The following NEFH variants were observed in gnomAD, a reference collection of about 807,000 sequenced individuals.
The protein encoded by NEFH is neurofilament heavy chain, also known as neurofilament heavy polypeptide.
Under a neutral mutation model 56.6 loss-of-function variants are expected in NEFH, and 58 were observed. That is an observed-to-expected ratio of 1.03 (90% CI 0.83 to 1.28). The LOEUF is 1.28. Among genes scored for constraint, NEFH ranks in the 50% most tolerant of loss-of-function variants. NEFH has a pLI of 0.00. For missense variants in NEFH, 1,221 were observed against 1,307.6 expected (o/e 0.93, Z 1.02); for synonymous variants, 542 against 545.8 (o/e 0.99, Z 0.10).
rs1263148652 is a variant in NEFH, at chr22:29,480,794, A to G, written c.532A>G (p.Ile178Val). ...RLEQEHLLED[I>V]AHVRQRLDDE... is the part of the protein sequence containing the mutation. ...GGAGCAGGAGCACCTGCTCGAGGAC[A>G]TCGCGCACGTGCGCCAGCGCCTAGA... Residue 178 changes from isoleucine to valine, a missense_variant, in exon 1 of 4, where the codon ATC becomes GTC. This residue lies in a region of NEFH where 640 missense variants were observed against 555.5 expected (regional missense o/e 1.15). Coordinates refer to ENST00000310624, the MANE Select transcript of NEFH (RefSeq NM_021076.4). 2.1e-6 allele frequency: 3 copies of G among 1,416,408 alleles called. No homozygotes were observed. The highest frequency in any genetic ancestry group is 3.0e-5 in the African/African-American group (2 of 65,722). 87.7% of individuals were successfully genotyped at this position (1,416,408 alleles called of 1,614,324 possible).
At chr22:29,485,607 C>T in intron 2 of NEFH, 116 bp from the exon 3 acceptor site, 1 of 1,337,466 alleles carries the variant, frequency 7.5e-7, no homozygotes, top group East Asian at 2.5e-5. Flanking sequence ...TGGGGTTGGC[C>T]CCAGTGAGCC....
chr22:29,485,806 C>T lies in NEFH; in HGVS notation c.1167C>T (p.Leu389=), dbSNP rs1390662746. 1 of 1,614,154 alleles carries T rather than the reference C, an allele frequency of 6.2e-7. No homozygotes were observed. Among genetic ancestry groups the T allele is most frequent in the South Asian group, 1.1e-5 (1 of 91,070 alleles). ...AGCTGCGAGAATACCAGGACCTGCT[C>T]AATGTCAAGATGGCTCTGGATATAG... is the stretch of plus-strand genomic sequence containing the variant. ...AAQLREYQDL[L]NVKMALDIEI... is the part of the protein sequence containing the mutation. The change falls in exon 3 of 4, where the codon CTC becomes CTT. Residue 389 remains leucine, a synonymous_variant. Transcript: ENST00000310624.
intron 1 of NEFH, 93 bp downstream of exon 1, chr22:29,481,238 C>T (rs917688444): frequency 1.6e-6 from 2 of 1,270,426 alleles, no homozygotes; most frequent in East Asian, 2.6e-5. Context: ...TGCCGGACTG[C>T]GCGTGGAGTG....
At chr22:29,487,686 G>C (rs935081075) in intron 3 of NEFH, among the ~76,000 whole-genome samples, 4 of 152,162 alleles carry the variant, frequency 2.6e-5, no homozygotes, top group African/African-American at 9.7e-5. Flanking sequence ...CCCCTCCCCA[G>C]ACCTGCTGAA....
Position 29,480,826 on chromosome 22 carries a change from G to A in NEFH, c.564G>A (p.Glu188=). ...IAHVRQRLDD[E]ARQREEAEAA... ...ACGTGCGCCAGCGCCTAGACGACGA[G>A]GCCCGGCAGCGAGAGGAGGCCGAGG... The change falls in exon 1 of 4, where the codon GAG becomes GAA. Residue 188 remains glutamate, a synonymous_variant. Transcript: ENST00000310624. The A allele has an allele frequency of 7.2e-6, 10 of 1,394,478 alleles. No individual in the cohort carries two copies. Among genetic ancestry groups the A allele is most frequent in the Non-Finnish European group, 8.3e-6 (9 of 1,086,188 alleles). 86.4% of individuals were successfully genotyped at this position (1,394,478 alleles called of 1,614,324 possible).
At position 29,490,397 on chromosome 22, in the gene NEFH, C is replaced by T. The variant is rs56200920; in HGVS notation, c.2757C>T (p.Asp919=). The part of the protein sequence containing the change: ...EAPAKVEVKE[D]AKPKEKTEVA... ...CTGCCAAGGTGGAGGTGAAGGAAGA[C>T]GCTAAACCCAAAGAAAAGACAGAGG... The change falls in exon 4 of 4, where the codon GAC becomes GAT. Residue 919 remains aspartate, a synonymous_variant. Transcript: ENST00000310624. The T allele has an allele frequency of 5.8e-3, 9,286 of 1,611,776 alleles. 46 individuals carry two copies. Among genetic ancestry groups the T allele is most frequent in the Middle Eastern group, 0.028 (170 of 6,014 alleles).
rs1239000745 is a variant in NEFH, at chr22:29,480,557, G to T, written c.295G>T (p.Glu99Ter). ...VAVATSRSEK[E>*]QLQALNDRFA... ...GGTGGCCACCTCACGCAGTGAGAAG[G>T]AGCAGCTGCAGGCGCTGAACGACCG... Residue 99 changes from glutamate to a stop codon, truncating the protein, a stop_gained, in exon 1 of 4, where the codon GAG becomes TAG. Transcript: ENST00000310624. LOFTEE classifies it high-confidence loss of function. 6.5e-7 allele frequency: 1 copy of T among 1,542,148 alleles called. No individual in the cohort carries two copies. Among genetic ancestry groups the T allele is most frequent in the Non-Finnish European group, 8.7e-7 (1 of 1,150,958 alleles).
At position 29,490,764 on chromosome 22, in the gene NEFH, G is replaced by A; in HGVS notation, c.*61G>A. 6.2e-7 allele frequency: 1 copy of A among 1,607,084 alleles called. No homozygotes were observed. The highest frequency in any genetic ancestry group is 8.5e-7 in the Non-Finnish European group (1 of 1,177,260). On this transcript the variant is annotated 3_prime_UTR_variant, in exon 4 of 4. Transcript: ENST00000310624. ...AACTCAGAAGAGTCCCGGAGCTCAA[G>A]GATCAGAGTAACACAATTTTCACTT...
rs1432010724 is a variant in NEFH at position 29,480,903 on chromosome 22, T to G, written c.641T>G (p.Val214Gly). 5 of 1,487,938 alleles carry G rather than the reference T, an allele frequency of 3.4e-6. No individual in the cohort carries two copies. The highest frequency in any genetic ancestry group is 4.4e-6 in the Non-Finnish European group (5 of 1,128,818). 92.2% of individuals were successfully genotyped at this position (1,487,938 alleles called of 1,614,324 possible). The change falls in exon 1 of 4, where the codon GTG becomes GGG. Residue 214 changes from valine (V) to glycine (G), a missense_variant. Physicochemically the swap from Val to Gly is moderately radical, Grantham distance 109. Transcript: ENST00000310624. ...RFAQEAEAAR[V>G]DLQKKAQALQ... Reference sequence around the variant, plus strand: ...GCGCAGGAGGCCGAGGCGGCGCGCGTGGACCTGCAGAAGAAGGCGCAGGCG... The same window carrying G: ...GCGCAGGAGGCCGAGGCGGCGCGCGGGGACCTGCAGAAGAAGGCGCAGGCG...
In NEFH at chr22:29,480,218, G is replaced by A. The variant is rs1031231201; in HGVS notation, c.-45G>A. The A allele has an allele frequency of 8.8e-6, 13 of 1,473,598 alleles. No homozygotes were observed. The highest frequency in any genetic ancestry group is 7.5e-5 in the Admixed American group (3 of 39,874). The allele number at this position is 1,473,598 out of a possible 1,614,324, so 91.3% of individuals were successfully genotyped here. The stretch of plus-strand genomic sequence containing the variant: ...AAAGGGCCGGCGCCCTGGTGCTGCC[G>A]CAGTGCCTCCCGCCCCGTCCCGGCC... On this transcript the variant is annotated 5_prime_UTR_variant, in exon 1 of 4. Transcript: ENST00000310624.
chr22:29,490,102 A>G lies in NEFH; in HGVS notation c.2462A>G (p.Lys821Arg). Residue 821 changes from lysine to arginine, a missense_variant, in exon 4 of 4, where the codon AAG becomes AGG. By Grantham distance (26) the Lys-to-Arg change is conservative. Coordinates refer to ENST00000310624, the MANE Select transcript of NEFH (RefSeq NM_021076.4). ...EKEIPKKEEV[K>R]SPVKEEEKPQ... ...GAGATCCCAAAAAAGGAAGAGGTGA[A>G]GTCCCCAGTGAAGGAGGAGGAGAAG... 6.2e-7 allele frequency: 1 copy of G among 1,614,126 alleles called. No homozygotes were observed.
At chr22:29,481,463 C>G (rs1462326850) in intron 1 of NEFH, among the ~76,000 whole-genome samples, 2 of 152,078 alleles carry the variant, frequency 1.3e-5, no homozygotes, top group East Asian at 1.9e-4. Context: ...AAGAAAAAAA[C>G]AAGTTTCCTC....
rs2063061643 is a variant in NEFH at position 29,489,197 on chromosome 22, A to G, written c.1557A>G (p.Pro519=). 4.3e-6 allele frequency: 7 copies of G among 1,614,218 alleles called. No homozygotes were observed. In the East Asian group the frequency reaches 1.6e-4, roughly 36 times the overall value. ...AASPEKEAKS[P]VKEEAKSPAE... is the part of the protein sequence containing the mutation. ...CCCCAGAGAAGGAAGCCAAGTCACC[A>G]GTAAAGGAAGAGGCAAAGTCACCGG... Residue 519 remains proline, a synonymous_variant, in exon 4 of 4, where the codon CCA becomes CCG. Coordinates refer to ENST00000310624, the MANE Select transcript of NEFH (RefSeq NM_021076.4).
chr22:29,486,774 C>T (rs898806431), intron 3 of NEFH, among the ~76,000 whole-genome samples: 5 of 152,156 alleles, frequency 3.3e-5, no homozygotes, highest in Admixed American at 1.3e-4. Flanking sequence ...CCGCCTACCT[C>T]GGCCTCCCAA....
Position 29,490,351 on chromosome 22 carries a change from C to G in NEFH, c.2711C>G (p.Pro904Arg). The G allele has an allele frequency of 1.2e-6, 2 of 1,612,904 alleles. No individual in the cohort carries two copies. Among genetic ancestry groups the G allele is most frequent in the Non-Finnish European group, 1.7e-6 (2 of 1,179,572 alleles). Reference protein sequence around the residue: ...KEEAEDKKKVPTPEKEAPAKV... With the variant: ...KEEAEDKKKVRTPEKEAPAKV... ...GAGGCTGAAGATAAGAAAAAAGTCC[C>G]CACCCCAGAGAAGGAGGCTCCTGCC... The change falls in exon 4 of 4, where the codon CCC becomes CGC. Residue 904 changes from proline to arginine, a missense_variant. Pro to Arg is a moderately radical substitution (Grantham distance 103). This residue lies in a region of NEFH where 301 missense variants were observed against 346.6 expected (regional missense o/e 0.87). Transcript: ENST00000310624.
Position 29,481,091 on chromosome 22 carries a change from C to G in NEFH, c.829C>G (p.Gln277Glu), listed in dbSNP as rs749804257. Residue 277 changes from glutamine to glutamate, a missense_variant, in exon 1 of 4, where the codon CAG (glutamine) becomes GAG (glutamate). Transcript: ENST00000310624. ...VTSALREIRAQLEGHAVQSTL... is the reference protein window; with the variant it reads ...VTSALREIRAELEGHAVQSTL... ...GTCGGCGCTGCGCGAGATTCGCGCG[C>G]AGCTTGAAGGCCACGCGGTGCAGAG... 21 of 1,531,682 alleles carry G rather than the reference C, an allele frequency of 1.4e-5. No homozygotes were observed. The highest frequency in any genetic ancestry group is 1.7e-5 in the Non-Finnish European group (20 of 1,145,838). 94.9% of individuals were successfully genotyped at this position (1,531,682 alleles called of 1,614,324 possible).
chr22:29,484,765 G>A (rs1250734543), intron 2 of NEFH, among the ~76,000 whole-genome samples: 2 of 152,110 alleles, frequency 1.3e-5, no homozygotes, highest in African/African-American at 2.4e-5. Flanking sequence ...CCCTGACTGT[G>A]TGGTGGACAC....
At position 29,490,127 on chromosome 22, in the gene NEFH, GC is replaced by G; in HGVS notation, c.2491del (p.Gln831ArgfsTer3). 1 of 1,613,986 alleles carries G rather than the reference GC, an allele frequency of 6.2e-7. No homozygotes were observed. On this transcript the variant is annotated frameshift_variant, in exon 4 of 4. Transcript: ENST00000310624. LOFTEE classifies it high-confidence loss of function. Reference protein sequence around the residue: ...VKSPVKEEEKPQEVKVKEPPK... With the variant: ...VKSPVKEEEKXQEVKVKEPPK... Reference sequence around the variant, plus strand: ...AGTCCCCAGTGAAGGAGGAGGAGAAGCCCCAGGAGGTGAAAGTCAAAGAGCC... The same window carrying G: ...AGTCCCCAGTGAAGGAGGAGGAGAAGCCCAGGAGGTGAAAGTCAAAGAGCC...
At chr22:29,485,394 C>T (rs2063038490) in intron 2 of NEFH, among the ~76,000 whole-genome samples, 1 of 152,236 alleles carries the variant, frequency 6.6e-6, no homozygotes, top group Non-Finnish European at 1.5e-5. Context: ...TGAGCCACCA[C>T]TCCCGGCCTC....
Sources: allele counts gnomAD v4.1 joint callset (sites outside exome capture counted in the v4.1 genomes callset), GRCh38; gene constraint gnomAD v4.1.1; regional missense constraint gnomAD v4.1.1; transcripts MANE v1.5; gene names NCBI Gene and HGNC (gene_info 2026-07-23, HGNC 2026-07-21).